HECW2: variants seen among roughly 807,000 people sequenced by gnomAD.
The protein encoded by HECW2 is E3 ubiquitin-protein ligase HECW2.
HECW2 carries 61 observed loss-of-function variants against 175.2 expected under a neutral mutation model. That is an observed-to-expected ratio of 0.35 (90% confidence interval 0.28 to 0.43). The LOEUF (loss-of-function observed/expected upper bound fraction) is 0.43, where lower values mean the gene tolerates loss of function less well. Among genes scored for constraint, HECW2 ranks in the 20% least tolerant of loss-of-function variants. The pLI is 1.00. For synonymous variants in HECW2, 671 were observed against 731.0 expected (o/e 0.92, Z 1.32); for missense variants, 1,524 against 2,000.5 (o/e 0.76, Z 4.54).
At chr2:196,283,139 G>GC (rs1289341590) in intron 14 of HECW2, among the ~76,000 whole-genome samples, 1 of 150,816 alleles carries the variant, frequency 6.6e-6, no homozygotes, top group African/African-American at 2.4e-5. Context: ...GCAGGCACCT[G>GC]TAGTCCCAGC....
At chr2:196,287,543 A>T (rs570953960) in intron 14 of HECW2, among the ~76,000 whole-genome samples, 6 of 152,330 alleles carry the variant, frequency 3.9e-5, no homozygotes, top group South Asian at 4.1e-4. Context: ...AGGAAATTTT[A>T]AAAAAAGAGA....
chr2:196,413,351 T>G (rs567972391), intron 2 of HECW2, among the ~76,000 whole-genome samples: 2 of 151,264 alleles, frequency 1.3e-5, no homozygotes, highest in African/African-American at 4.9e-5. Context: ...CAAGACCCTG[T>G]CTTTTTTTTT....
chr2:196,212,132 C>A (rs527253993), intron 28 of HECW2, among the ~76,000 whole-genome samples: 1 of 152,216 alleles, frequency 6.6e-6, no homozygotes, highest in East Asian at 1.9e-4. Context: ...CCACCATGCC[C>A]AGCCAGGATT....
At chr2:196,394,807 T>G (rs1694615135) in intron 2 of HECW2, among the ~76,000 whole-genome samples, 1 of 152,220 alleles carries the variant, frequency 6.6e-6, no homozygotes, top group African/African-American at 2.4e-5. Context: ...TGTGAAAGAA[T>G]GAAGTTGGAC....
At chr2:196,390,342 T>C (rs1333017036) in intron 2 of HECW2, among the ~76,000 whole-genome samples, 1 of 152,200 alleles carries the variant, frequency 6.6e-6, no homozygotes, top group Non-Finnish European at 1.5e-5. Flanking sequence ...GTTGGAATGA[T>C]CAATATGTCA....
intron 21 of HECW2, among the ~76,000 whole-genome samples, chr2:196,233,439 T>G (rs74597294): frequency 3.4e-4 from 52 of 152,312 alleles, no homozygotes; most frequent in African/African-American, 1.2e-3. Flanking sequence ...CAACTAAGAA[T>G]TACTGAAAAC....
At chr2:196,453,293 TCAGA>T (rs1696402527) in intron 1 of HECW2, among the ~76,000 whole-genome samples, 2 of 152,192 alleles carry the variant, frequency 1.3e-5, no homozygotes, top group Non-Finnish European at 2.9e-5. Context: ...CTAAAATGCA[TCAGA>T]CAATTACTTC....
chr2:196,563,177 T>C lies in HECW2; in HGVS notation c.-36+30331A>G, dbSNP rs111383856. Among the ~76,000 whole-genome samples the C allele has an allele frequency of 2.9e-3, 442 of 152,334 alleles. 1 individual carries two copies. Among genetic ancestry groups the C allele is most frequent in the African/African-American group, 0.01 (418 of 41,586 alleles). ...GAAGAACTTTCCATCAAACAATTGATGATAGAAGAAAATTAGTTTGTGTAA... is the reference window on the plus strand; with the variant it reads ...GAAGAACTTTCCATCAAACAATTGACGATAGAAGAAAATTAGTTTGTGTAA... On this transcript the variant is annotated intron_variant, in intron 1 of 28. Coordinates refer to ENST00000644978, the MANE Select transcript of HECW2 (RefSeq NM_001348768.2).
At chr2:196,466,030 C>A (rs542414421) in intron 1 of HECW2, among the ~76,000 whole-genome samples, 1 of 152,298 alleles carries the variant, frequency 6.6e-6, no homozygotes, top group African/African-American at 2.4e-5. Context: ...CTCTAACAGA[C>A]TGGCTGTTAA....
intron 2 of HECW2, among the ~76,000 whole-genome samples, chr2:196,355,681 C>A (rs1453146611): frequency 6.6e-6 from 1 of 152,128 alleles, no homozygotes; most frequent in Non-Finnish European, 1.5e-5. Flanking sequence ...ATTTATTGAG[C>A]ATCTACTATC....
At chr2:196,393,217 C>T (rs908792312) in intron 2 of HECW2, among the ~76,000 whole-genome samples, 6 of 152,090 alleles carry the variant, frequency 3.9e-5, no homozygotes, top group African/African-American at 1.4e-4. Context: ...TAAGCAATAC[C>T]ATTCAGGACA....
intron 2 of HECW2, among the ~76,000 whole-genome samples, chr2:196,430,666 T>A (rs1028212224): frequency 6.6e-6 from 1 of 152,102 alleles, no homozygotes; most frequent in Non-Finnish European, 1.5e-5. Flanking sequence ...TGGGTGGGAC[T>A]GACAACAGAA....
chr2:196,219,871 T>C (rs1531114), intron 26 of HECW2, among the ~76,000 whole-genome samples, 168 bp downstream of exon 26: 89,861 of 151,600 alleles, frequency 0.59, 27,940 homozygotes, highest in Non-Finnish European at 0.69. Context: ...GATGAGGTAA[T>C]TAGGAAAAGA....
intron 17 of HECW2, among the ~76,000 whole-genome samples, chr2:196,270,033 C>T (rs1400072678): frequency 6.6e-6 from 1 of 152,188 alleles, no homozygotes; most frequent in African/African-American, 2.4e-5. Context: ...CTGATGAAAA[C>T]AGTTTGGCAC....
chr2:196,351,639 T>A (rs1693174440), intron 2 of HECW2, among the ~76,000 whole-genome samples: 1 of 152,228 alleles, frequency 6.6e-6, no homozygotes, highest in African/African-American at 2.4e-5. Flanking sequence ...AATTTTCTTT[T>A]GCTTTAAAGT....
chr2:196,536,974 C>T (rs9288264), intron 1 of HECW2, among the ~76,000 whole-genome samples: 2 of 151,992 alleles, frequency 1.3e-5, no homozygotes. Context: ...CTCAAACATA[C>T]GAGGCCAGGA....
intron 1 of HECW2, among the ~76,000 whole-genome samples, chr2:196,491,369 T>TACACAC (rs67409257): frequency 9.2e-5 from 12 of 130,628 alleles, no homozygotes; most frequent in East Asian, 2.3e-4. Context: ...CATATATATA[T>TACACAC]ACACACACAC....
chr2:196,464,098 C>T (rs1424669224), intron 1 of HECW2, among the ~76,000 whole-genome samples: 2 of 151,836 alleles, frequency 1.3e-5, no homozygotes, highest in Middle Eastern at 3.4e-3. Context: ...AAATTGCTAC[C>T]CACTTTTGCG....
chr2:196,480,749 T>C (rs1362203675), intron 1 of HECW2, among the ~76,000 whole-genome samples: 3 of 152,182 alleles, frequency 2.0e-5, no homozygotes, highest in Non-Finnish European at 4.4e-5. Flanking sequence ...AATATTCTCT[T>C]CTTGCTTAAG....
Sources: gnomAD v4.1 joint callset for allele counts (sites outside exome capture counted in the v4.1 genomes callset) on GRCh38, gnomAD v4.1.1 for gene constraint, MANE v1.5 for transcripts, NCBI Gene and HGNC (gene_info 2026-07-23, HGNC 2026-07-21) for gene names.